FAM120C: variants seen among roughly 807,000 people sequenced by gnomAD.
FAM120C encodes constitutive coactivator of PPAR-gamma-like protein 2.
A neutral mutation model predicts 71.2 loss-of-function variants in FAM120C; 14 were observed. The ratio of observed to expected loss-of-function variants is 0.20; its 90% CI spans 0.13 to 0.31. FAM120C has a LOEUF of 0.31. Ranked by LOEUF, FAM120C falls within the 10% of genes least tolerant of loss-of-function variation. The pLI is 1.00. For synonymous variants in FAM120C, 354 were observed against 353.2 expected, an observed-to-expected ratio of 1.00 and a Z score of -0.03; for missense variants, 500 against 879.0, an observed-to-expected ratio of 0.57 and a Z score of 5.45.
intron 9 of FAM120C, among the ~76,000 whole-genome samples, chrX:54,127,643 T>C (rs1395988165): frequency 9.6e-6 from 1 of 103,735 alleles, no homozygotes; most frequent in East Asian, 3.1e-4. Flanking sequence ...TGGAGTGCAA[T>C]GGAGTGGAGT....
chrX:54,152,093 A>G (rs143031042), intron 3 of FAM120C, among the ~76,000 whole-genome samples: 2,146 of 107,493 alleles, frequency 0.02, 56 homozygotes, highest in African/African-American at 0.069. Flanking sequence ...TCTCGGCTCA[A>G]TGCAACCTCT....
chrX:54,128,788 G>A (rs1310096735), intron 9 of FAM120C, among the ~76,000 whole-genome samples: 11 of 111,706 alleles, frequency 9.8e-5, no homozygotes, highest in African/African-American at 2.6e-4. Flanking sequence ...AGGGTTGGGG[G>A]TAAGGTCACA....
chrX:54,087,318 A>C (rs1469416822), intron 12 of FAM120C, among the ~76,000 whole-genome samples: 1 of 109,366 alleles, frequency 9.1e-6, no homozygotes, highest in Non-Finnish European at 1.9e-5. Flanking sequence ...TCTAAAAAAA[A>C]AAAAAAATCC....
At chrX:54,126,094 G>A (rs782502042) in intron 9 of FAM120C, among the ~76,000 whole-genome samples, 79 of 111,803 alleles carry the variant, frequency 7.1e-4, no homozygotes, top group African/African-American at 2.4e-3. Context: ...ATTAGTTCCA[G>A]GAGTTTTGTT....
intron 10 of FAM120C, among the ~76,000 whole-genome samples, chrX:54,092,662 G>A (rs1366587671): frequency 1.8e-5 from 2 of 111,305 alleles, no homozygotes; most frequent in African/African-American, 3.3e-5. Context: ...AATTTGGATC[G>A]TCATCCTGAA....
intron 4 of FAM120C, among the ~76,000 whole-genome samples, chrX:54,148,572 G>A (rs1467088207): frequency 2.7e-5 from 3 of 111,861 alleles, no homozygotes; most frequent in African/African-American, 6.5e-5. Flanking sequence ...GCTCAAGCCC[G>A]GGAGGCGGAG....
chrX:54,092,041 AG>A (rs1443620113), intron 10 of FAM120C, among the ~76,000 whole-genome samples: 1 of 111,328 alleles, frequency 9.0e-6, no homozygotes, highest in African/African-American at 3.3e-5. Flanking sequence ...ATAAAAGCCC[AG>A]AACGTTTTAA....
intron 10 of FAM120C, among the ~76,000 whole-genome samples, chrX:54,113,717 G>C (rs1263934570): frequency 1.9e-5 from 2 of 106,870 alleles, no homozygotes; most frequent in Non-Finnish European, 3.9e-5. Flanking sequence ...TTCAAGACCA[G>C]CCTCAACATG....
At chrX:54,080,739 G>A (rs2066760217) in intron 14 of FAM120C, among the ~76,000 whole-genome samples, 1 of 108,891 alleles carries the variant, frequency 9.2e-6, no homozygotes, top group Non-Finnish European at 1.9e-5. Context: ...GGCGGCACCT[G>A]TAATCCCAGC....
chrX:54,150,752 G>T (rs1207271123), intron 4 of FAM120C, among the ~76,000 whole-genome samples: 1 of 111,409 alleles, frequency 9.0e-6, no homozygotes, highest in Admixed American at 9.6e-5. Flanking sequence ...TTACTTTACC[G>T]ATTTATTTTT....
In FAM120C at chrX:54,183,056, G is replaced by A. The variant is rs1557137852; in HGVS notation, c.143C>T (p.Ala48Val). The part of the protein sequence containing the change: ...HLHRQLPPTA[A>V]LAPGAPRAAR... ...GGCGCGTGGAGCCCCGGGCGCTAGG[G>A]CTGCAGTCGGCGGCAGCTGGCGGTG... The change falls in exon 1 of 16, where the codon GCC (alanine) becomes GTC (valine). Residue 48 changes from alanine (A) to valine (V), a missense_variant. Ala to Val is a moderately conservative substitution (Grantham distance 64). Coordinates refer to ENST00000375180, the MANE Select transcript of FAM120C (RefSeq NM_017848.6). 10 of 1,157,639 alleles carry A rather than the reference G, an allele frequency of 8.6e-6. No individual in the cohort carries two copies. The East Asian group carries it at 2.9e-4, about 34-fold the overall frequency.
At chrX:54,114,252 T>C (rs1228119746) in intron 10 of FAM120C, among the ~76,000 whole-genome samples, 5 of 110,255 alleles carry the variant, frequency 4.5e-5, no homozygotes, top group East Asian at 2.9e-4. Context: ...ATAATACACA[T>C]TGGGGACTCA....
chrX:54,149,363 C>T (rs1362648962), intron 4 of FAM120C, among the ~76,000 whole-genome samples: 5 of 111,645 alleles, frequency 4.5e-5, no homozygotes, highest in Non-Finnish European at 9.4e-5. Context: ...CTGGGCCGGA[C>T]GCGGTAGCTC....
chrX:54,170,694 T>G (rs2067283139), intron 1 of FAM120C, among the ~76,000 whole-genome samples: 1 of 111,747 alleles, frequency 8.9e-6, no homozygotes, highest in Non-Finnish European at 1.9e-5. Context: ...AAAATGGAGA[T>G]TTACTTAATT....
chrX:54,143,349 C>G (rs1405500481), intron 4 of FAM120C, among the ~76,000 whole-genome samples: 6 of 106,821 alleles, frequency 5.6e-5, no homozygotes, highest in Non-Finnish European at 1.2e-4. Context: ...ACACAAAAAA[C>G]CCTTCAAAAA....
chrX:54,118,708 T>TCC (rs1254088392), intron 9 of FAM120C, among the ~76,000 whole-genome samples: 3 of 88,717 alleles, frequency 3.4e-5, no homozygotes, highest in African/African-American at 1.3e-4. Flanking sequence ...TCTTTTTTTT[T>TCC]TTTTTTTTTT....
chrX:54,074,644 C>T (rs1293137723), intron 15 of FAM120C, among the ~76,000 whole-genome samples: 3 of 112,027 alleles, frequency 2.7e-5, no homozygotes, highest in Non-Finnish European at 5.6e-5. Flanking sequence ...CTCGAATTCC[C>T]GACCTCAGGT....
At chrX:54,083,895 T>G (rs931914875) in intron 13 of FAM120C, among the ~76,000 whole-genome samples, 1 of 111,096 alleles carries the variant, frequency 9.0e-6, no homozygotes, top group African/African-American at 3.3e-5. Context: ...AATTTTTATA[T>G]TTTTTGTAGA....
chrX:54,135,284 C>A (rs1287275671), intron 6 of FAM120C, among the ~76,000 whole-genome samples, 173 bp from the exon 7 acceptor site: 5 of 111,949 alleles, frequency 4.5e-5, no homozygotes, highest in Non-Finnish European at 9.4e-5. Context: ...ACAGACAGGA[C>A]AATGAACAGT....
Sources: gnomAD v4.1 joint callset for allele counts (sites outside exome capture counted in the v4.1 genomes callset) on GRCh38, gnomAD v4.1.1 for gene constraint, MANE v1.5 for transcripts, NCBI Gene and HGNC (gene_info 2026-07-23, HGNC 2026-07-21) for gene names.